NCEH1: variants seen among roughly 807,000 people sequenced by gnomAD.
NCEH1 encodes neutral cholesterol ester hydrolase 1.
NCEH1 carries 9 observed loss-of-function variants against 25.4 expected under a neutral mutation model. The ratio of observed to expected loss-of-function variants is 0.35; its 90% CI spans 0.21 to 0.62. The LOEUF (loss-of-function observed/expected upper bound fraction) is 0.62. Among genes scored for constraint, NCEH1 ranks in the 20% least tolerant of loss-of-function variants. The pLI is 0.72. For missense variants in NCEH1, 412 were observed against 501.1 expected (o/e 0.82, Z 1.70); for synonymous variants, 200 against 199.8 (o/e 1.00, Z -0.01).
chr3:172,640,783 A>G (rs1388609275), intron 3 of NCEH1, among the ~76,000 whole-genome samples: 1 of 152,042 alleles, frequency 6.6e-6, no homozygotes, highest in African/African-American at 2.4e-5. Context: ...CTGGGATTAT[A>G]GGCATGAGCC....
At chr3:172,680,406 T>C (rs1247114457) in intron 1 of NCEH1, among the ~76,000 whole-genome samples, 1 of 151,920 alleles carries the variant, frequency 6.6e-6, no homozygotes, top group Non-Finnish European at 1.5e-5. Flanking sequence ...CTCCCCCTAC[T>C]ACTCACTTCT....
chr3:172,658,839 A>ATTT (rs1560189003), intron 1 of NCEH1, among the ~76,000 whole-genome samples: 1 of 127,000 alleles, frequency 7.9e-6, no homozygotes, highest in South Asian at 2.5e-4. Context: ...CAATTCCAAA[A>ATTT]CTTTTTTTTT....
chr3:172,698,460 C>T (rs1713499484), intron 1 of NCEH1, among the ~76,000 whole-genome samples: 1 of 152,200 alleles, frequency 6.6e-6, no homozygotes, highest in South Asian at 2.1e-4. Flanking sequence ...AGATACACAT[C>T]TTCCACTTTT....
chr3:172,687,991 A>T (rs1181021429), intron 1 of NCEH1, among the ~76,000 whole-genome samples: 1 of 152,230 alleles, frequency 6.6e-6, no homozygotes, highest in Non-Finnish European at 1.5e-5. Flanking sequence ...TTTATTTTGA[A>T]TTTTAAATTA....
intron 4 of NCEH1, among the ~76,000 whole-genome samples, chr3:172,635,279 G>A (rs550133184): frequency 6.6e-6 from 1 of 152,326 alleles, no homozygotes; most frequent in African/African-American, 2.4e-5. Context: ...GGTATTTGAG[G>A]ACACCAAATG....
At position 172,632,656 on chromosome 3, in the gene NCEH1, A is replaced by G. The variant is rs916557981; in HGVS notation, c.*819T>C. ...TTTATGTGAAACACTAGGTTGTTTCATTTGTCTGTTTTTACTTGCTCTATA... is the reference window on the plus strand; with the variant it reads ...TTTATGTGAAACACTAGGTTGTTTCGTTTGTCTGTTTTTACTTGCTCTATA... On this transcript the variant is annotated 3_prime_UTR_variant, in exon 5 of 5. Transcript: ENST00000475381. 7.2e-5 allele frequency: 11 copies of G among 152,404 alleles called. No homozygotes were observed. The highest frequency in any genetic ancestry group is 1.3e-4 in the Non-Finnish European group (9 of 68,008). 9.4% of individuals were successfully genotyped at this position (152,404 alleles called of 1,614,324 possible).
At chr3:172,674,987 A>G (rs1340329251) in intron 1 of NCEH1, among the ~76,000 whole-genome samples, 1 of 152,228 alleles carries the variant, frequency 6.6e-6, no homozygotes, top group Admixed American at 6.5e-5. Flanking sequence ...TATGAAAAAA[A>G]GGTTATAAAG....
intron 3 of NCEH1, among the ~76,000 whole-genome samples, chr3:172,639,201 G>A (rs1716738381): frequency 6.6e-6 from 1 of 151,772 alleles, no homozygotes; most frequent in Non-Finnish European, 1.5e-5. Context: ...GGGAGGCTGA[G>A]GCAGGAGAAT....
At chr3:172,638,908 G>A (rs1377303457) in intron 3 of NCEH1, among the ~76,000 whole-genome samples, 1 of 152,182 alleles carries the variant, frequency 6.6e-6, no homozygotes, top group African/African-American at 2.4e-5. Flanking sequence ...ATGCAAGAGT[G>A]TTCCTGGTGC....
chr3:172,710,645 G>A (rs1056777060), intron 1 of NCEH1, among the ~76,000 whole-genome samples: 1 of 152,216 alleles, frequency 6.6e-6, no homozygotes, highest in Non-Finnish European at 1.5e-5. Flanking sequence ...ACGCAGACGG[G>A]GAAATGCAGA....
At chr3:172,642,985 C>A (rs1716932037) in intron 3 of NCEH1, among the ~76,000 whole-genome samples, 1 of 152,154 alleles carries the variant, frequency 6.6e-6, no homozygotes, top group Non-Finnish European at 1.5e-5. Flanking sequence ...GTTGCCCAGG[C>A]TGGAGTGCAA....
At chr3:172,703,719 C>T (rs1027332907) in intron 1 of NCEH1, among the ~76,000 whole-genome samples, 1 of 151,864 alleles carries the variant, frequency 6.6e-6, no homozygotes, top group African/African-American at 2.4e-5. Flanking sequence ...TTTCTATGCT[C>T]AGGGTTATAT....
intron 1 of NCEH1, among the ~76,000 whole-genome samples, chr3:172,651,669 G>A (rs745399792): frequency 5.9e-5 from 9 of 151,310 alleles, no homozygotes; most frequent in Non-Finnish European, 1.0e-4. Flanking sequence ...AGCTATTCTC[G>A]TGCCTTAGCC....
chr3:172,653,171 A>G (rs976397082), intron 1 of NCEH1, among the ~76,000 whole-genome samples: 3 of 152,088 alleles, frequency 2.0e-5, no homozygotes, highest in Non-Finnish European at 2.9e-5. Flanking sequence ...GATCTAGGGG[A>G]AGAATTCTGC....
intron 1 of NCEH1, among the ~76,000 whole-genome samples, chr3:172,709,058 T>C (rs1357561954): frequency 3.9e-5 from 6 of 152,238 alleles, no homozygotes; most frequent in Admixed American, 2.6e-4. Flanking sequence ...GAACACTGGT[T>C]ACCTCATCTA....
intron 1 of NCEH1, among the ~76,000 whole-genome samples, chr3:172,660,927 G>A (rs563947496): frequency 3.3e-5 from 5 of 152,320 alleles, no homozygotes; most frequent in African/African-American, 1.2e-4. Context: ...TAGGCTGCCT[G>A]TTCACTTTGA....
At chr3:172,695,056 G>A (rs188332675) in intron 1 of NCEH1, among the ~76,000 whole-genome samples, 5 of 152,288 alleles carry the variant, frequency 3.3e-5, no homozygotes, top group East Asian at 1.9e-4. Context: ...AGAGGACATG[G>A]TATATTTCCT....
At position 172,633,646 on chromosome 3, in the gene NCEH1, G is replaced by A. The variant is rs377167070; in HGVS notation, c.1056C>T (p.Asp352=). 8 of 1,614,076 alleles carry A rather than the reference G, an allele frequency of 5.0e-6. No homozygotes were observed. Among genetic ancestry groups the A allele is most frequent in the Non-Finnish European group, 5.9e-6 (7 of 1,179,922 alleles). The change falls in exon 5 of 5, where the codon GAC becomes GAT. Residue 352 remains aspartate (D), a synonymous_variant. Coordinates refer to ENST00000475381, the MANE Select transcript of NCEH1 (RefSeq NM_020792.6). ...ILTCEHDVLR[D]DGIMYAKRLE... is the part of the protein sequence containing the mutation. ...AACGCTTGGCATACATGATGCCATC[G>A]TCTCTGAGGACATCATGCTCACACG...
chr3:172,659,639 A>G (rs1717874735), intron 1 of NCEH1, among the ~76,000 whole-genome samples: 2 of 152,222 alleles, frequency 1.3e-5, no homozygotes, highest in African/African-American at 4.8e-5. Flanking sequence ...GACCTGGCAC[A>G]TAAGTACATT....
Sources: gnomAD v4.1 joint callset for allele counts (sites outside exome capture counted in the v4.1 genomes callset) on GRCh38, gnomAD v4.1.1 for gene constraint, MANE v1.5 for transcripts, NCBI Gene and HGNC (gene_info 2026-07-23, HGNC 2026-07-21) for gene names.